PCDHGB3: variants seen among roughly 807,000 people sequenced by gnomAD.
PCDHGB3 encodes the protein protocadherin gamma subfamily B, 3.
In PCDHGB3, 40 loss-of-function variants were observed where a neutral mutation model predicts 59.2. The observed-to-expected ratio is 0.68, with a 90% CI of 0.52 to 0.88. The LOEUF is 0.88. Ranked by LOEUF, PCDHGB3 falls within the 40% of genes least tolerant of loss-of-function variation. The pLI is 0.00. For synonymous variants in PCDHGB3, 581 were observed against 503.6 expected (o/e 1.15, Z -2.06); for missense variants, 1,309 against 1,187.9 (o/e 1.10, Z -1.50).
chr5:141,385,150 C>A (rs1780929292), intron 1 of PCDHGB3: 1 of 1,614,104 alleles, frequency 6.2e-7, no homozygotes, highest in South Asian at 1.1e-5. Flanking sequence ...GGCTTTCCTG[C>A]AGACCTATTC....
intron 1 of PCDHGB3, chr5:141,375,470 GAAAACA>G (rs1452346510): frequency 6.2e-7 from 1 of 1,613,784 alleles, no homozygotes; most frequent in Admixed American, 1.7e-5. Context: ...CTATGTCCTT[GAAAACA>G]ACCCCAGGGG....
At chr5:141,403,686 G>T in intron 1 of PCDHGB3, 1 of 1,613,824 alleles carries the variant, frequency 6.2e-7, no homozygotes, top group Non-Finnish European at 8.5e-7. Context: ...TTTGCTCAAC[G>T]GATTTACCGA....
At chr5:141,394,297 C>A (rs375160983) in intron 1 of PCDHGB3, 1 of 1,613,990 alleles carries the variant, frequency 6.2e-7, no homozygotes, top group Non-Finnish European at 8.5e-7. Context: ...ACCGAGGACA[C>A]GCTGCAGGGG....
chr5:141,395,057 T>A (rs2093157144), intron 1 of PCDHGB3: 1 of 1,614,042 alleles, frequency 6.2e-7, no homozygotes, highest in Non-Finnish European at 8.5e-7. Context: ...AGGTACAGGC[T>A]TTCCTGCAGA....
Position 141,370,338 on chromosome 5 carries a change from G to T in PCDHGB3, c.-57G>T. 1 of 1,456,378 alleles carries T rather than the reference G, an allele frequency of 6.9e-7. No individual in the cohort carries two copies. The highest frequency in any genetic ancestry group is 9.2e-7 in the Non-Finnish European group (1 of 1,082,072). 90.2% of individuals were successfully genotyped at this position (1,456,378 alleles called of 1,614,324 possible). A position where few individuals can be genotyped will look rare whatever the true frequency, so the allele number is the denominator to read the frequency against. On this transcript the variant is annotated 5_prime_UTR_variant, in exon 1 of 4. Transcript: ENST00000576222. ...TTGGTCCTGCTCGGAGAACTCTTGG[G>T]ATTATTTAAAGATCTCCTCTCCTCG...
rs1767701466 is a variant in PCDHGB3 at position 141,371,362 on chromosome 5, A to G, written c.968A>G (p.Asp323Gly). The change falls in exon 1 of 4, where the codon GAT (aspartate) becomes GGT (glycine). Residue 323 changes from aspartate to glycine, a missense_variant. Physicochemically the swap from Asp to Gly is moderately conservative, Grantham distance 94 (BLOSUM62 -1). Coordinates refer to ENST00000576222, the MANE Select transcript of PCDHGB3 (RefSeq NM_018924.5). ...TACACAATTGGGGTGGAAGCAAAGG[A>G]TGGTGGACATCACACTGCATATTGT... Reference protein sequence around the residue: ...DSYTIGVEAKDGGHHTAYCKV... With the variant: ...DSYTIGVEAKGGGHHTAYCKV... 1 of 1,614,014 alleles carries G rather than the reference A, an allele frequency of 6.2e-7. No individual in the cohort carries two copies. The highest frequency in any genetic ancestry group is 8.5e-7 in the Non-Finnish European group (1 of 1,179,880).
intron 1 of PCDHGB3, chr5:141,388,466 G>A (rs1426666369): frequency 6.2e-7 from 1 of 1,613,812 alleles, no homozygotes. Flanking sequence ...ACCCTGAGAT[G>A]GTATTGAAGA....
intron 1 of PCDHGB3, chr5:141,423,689 G>T: frequency 7.1e-7 from 1 of 1,400,130 alleles, no homozygotes; most frequent in Non-Finnish European, 9.4e-7. Context: ...CCTCCTAATT[G>T]TTGGTGTCTT....
chr5:141,370,462 C>T lies in PCDHGB3; in HGVS notation c.68C>T (p.Ser23Phe). 1.9e-6 allele frequency: 3 copies of T among 1,612,864 alleles called. No homozygotes were observed. In the South Asian group the frequency reaches 3.3e-5, roughly 18 times the overall value. Reference sequence around the variant, plus strand: ...CGAATGCTATTTCTCTTCCTGCTCTCTTTGTTAGACCAGGCTCTCTCCGAA... The same window carrying T: ...CGAATGCTATTTCTCTTCCTGCTCTTTTTGTTAGACCAGGCTCTCTCCGAA... ...QRRMLFLFLLSLLDQALSEPI... is the reference protein window; with the variant it reads ...QRRMLFLFLLFLLDQALSEPI... Residue 23 changes from serine to phenylalanine, a missense_variant, in exon 1 of 4, where the codon TCT (serine) becomes TTT (phenylalanine). Coordinates refer to ENST00000576222, the MANE Select transcript of PCDHGB3 (RefSeq NM_018924.5).
chr5:141,383,170 G>A (rs1453801684), intron 1 of PCDHGB3: 2 of 1,614,008 alleles, frequency 1.2e-6, no homozygotes, highest in African/African-American at 2.7e-5. Flanking sequence ...GGGCAGGATA[G>A]ACCGGGAAGA....
At chr5:141,496,994 T>A (rs2099773177) in intron 2 of PCDHGB3, among the ~76,000 whole-genome samples, 1 of 151,862 alleles carries the variant, frequency 6.6e-6, no homozygotes, top group Non-Finnish European at 1.5e-5. Flanking sequence ...GAGACCAGCC[T>A]GGCAGCCAAC....
intron 1 of PCDHGB3, chr5:141,395,337 T>G (rs1265011600): frequency 7.0e-7 from 1 of 1,433,514 alleles, no homozygotes; most frequent in African/African-American, 1.4e-5. Context: ...AAATAATTTT[T>G]AAGGTGTATC....
At chr5:141,415,024 G>T in intron 1 of PCDHGB3, 1 of 1,613,568 alleles carries the variant, frequency 6.2e-7, no homozygotes, top group Non-Finnish European at 8.5e-7. Flanking sequence ...CAAGGCCAGC[G>T]AGCCGGGACT....
Position 141,510,362 on chromosome 5 carries a change from C to T in PCDHGB3, c.2564-585C>T, listed in dbSNP as rs74321279. Among the ~76,000 whole-genome samples the T allele has an allele frequency of 2.0e-4, 29 of 142,136 alleles. No homozygotes were observed. In the East Asian group the frequency reaches 5.7e-3, roughly 28 times the overall value. The allele number at this position is 142,136 out of a possible 152,430, so 93.2% of individuals were successfully genotyped here. A position where few individuals can be genotyped will look rare whatever the true frequency, so the allele number is the denominator to read the frequency against. On this transcript the variant is annotated intron_variant, in intron 3 of 3. Coordinates refer to ENST00000576222, the MANE Select transcript of PCDHGB3 (RefSeq NM_018924.5). ...CCCACACACTTACTAACGGAACTAC[C>T]GAATCTCTACTCGTGCCAGGCCTTG... is the stretch of plus-strand genomic sequence containing the variant.
At chr5:141,377,672 C>CAAG (rs1410106152) in intron 1 of PCDHGB3, 2 of 151,680 alleles carry the variant, frequency 1.3e-5, no homozygotes, top group Admixed American at 1.3e-4. Context: ...GACGTTCATA[C>CAAG]AAGAGATCTT....
At chr5:141,497,209 TG>T (rs11343387) in intron 2 of PCDHGB3, among the ~76,000 whole-genome samples, 90,704 of 151,262 alleles carry the variant, frequency 0.6, 29,397 homozygotes, top group African/African-American at 0.86. Context: ...GTGAGTGTAA[TG>T]GGGGGGGGAA....
chr5:141,374,494 A>G (rs1307461844), intron 1 of PCDHGB3: 12 of 1,611,426 alleles, frequency 7.4e-6, no homozygotes, highest in Non-Finnish European at 9.3e-6. Context: ...TAAAGGAAGA[A>G]TTGGAAGTGA....
At position 141,489,646 on chromosome 5, in the gene PCDHGB3, C is replaced by A. The variant is rs1274955075; in HGVS notation, c.2416-5161C>A. 1.2e-6 allele frequency: 2 copies of A among 1,614,186 alleles called. No homozygotes were observed. The highest frequency in any genetic ancestry group is 2.7e-5 in the African/African-American group (2 of 75,048). On this transcript the variant is annotated intron_variant, in intron 1 of 3. Coordinates refer to ENST00000576222, the MANE Select transcript of PCDHGB3 (RefSeq NM_018924.5). This position sits in a 1 kb window ranked among gnomAD's most constrained non-coding sequence, Gnocchi z 4.5. Reference sequence around the variant, plus strand: ...TGACAACTCTCCTAGCTTTGCCACCCCTGAGCGAGAGATGCGCATCTCAGA... The same window carrying A: ...TGACAACTCTCCTAGCTTTGCCACCACTGAGCGAGAGATGCGCATCTCAGA...
chr5:141,442,051 C>G (rs1384937090), intron 1 of PCDHGB3: 1 of 197,158 alleles, frequency 5.1e-6, no homozygotes, highest in East Asian at 1.8e-4. Context: ...CTACTGGTCG[C>G]GGTGCACTGC....
Sources: gnomAD v4.1 joint callset for allele counts (sites outside exome capture counted in the v4.1 genomes callset) on GRCh38, gnomAD v4.1.1 for gene constraint, Gnocchi (gnomAD v3.1) non-coding constraint, MANE v1.5 for transcripts, NCBI Gene and HGNC (gene_info 2026-07-23, HGNC 2026-07-21) for gene names.